The following PLCL2 variants were observed in gnomAD, a reference collection of about 807,000 sequenced individuals.
The protein encoded by PLCL2 is inactive phospholipase C-like protein 2.
PLCL2 carries 4 observed loss-of-function variants against 79.6 expected under a neutral mutation model. The ratio of observed to expected loss-of-function variants is 0.05; its 90% CI spans 0.02 to 0.11. The LOEUF is 0.11. Among genes scored for constraint, PLCL2 ranks in the 10% least tolerant of loss-of-function variants. PLCL2 has a pLI of 1.00. For missense variants in PLCL2, 895 were observed against 1,291.0 expected, an observed-to-expected ratio of 0.69 and a Z score of 4.70; for synonymous variants, 484 against 457.7, an observed-to-expected ratio of 1.06 and a Z score of -0.73.
chr3:17,037,212 G>T (rs987943048), intron 3 of PLCL2, among the ~76,000 whole-genome samples: 3 of 152,146 alleles, frequency 2.0e-5, no homozygotes, highest in Non-Finnish European at 4.4e-5. Flanking sequence ...TCCTCCCAAG[G>T]TCATCCTGAG....
chr3:17,057,530 A>G (rs559030986), intron 4 of PLCL2, among the ~76,000 whole-genome samples: 2 of 152,354 alleles, frequency 1.3e-5, no homozygotes, highest in African/African-American at 4.8e-5. Context: ...CACATATGAG[A>G]TCACAGTAGG....
intron 3 of PLCL2, among the ~76,000 whole-genome samples, chr3:17,035,203 C>T (rs2064633315): frequency 6.6e-6 from 1 of 152,112 alleles, no homozygotes; most frequent in Non-Finnish European, 1.5e-5. Flanking sequence ...CCTATTGTAA[C>T]CACCAGTTCA....
At chr3:17,078,359 A>G (rs2065128279) in intron 5 of PLCL2, among the ~76,000 whole-genome samples, 1 of 152,176 alleles carries the variant, frequency 6.6e-6, no homozygotes, top group Non-Finnish European at 1.5e-5. Flanking sequence ...GGGATCACTT[A>G]AGAGATTTGT....
intron 4 of PLCL2, among the ~76,000 whole-genome samples, chr3:17,048,476 C>A (rs901207098): frequency 6.6e-6 from 1 of 152,080 alleles, no homozygotes; most frequent in African/African-American, 2.4e-5. Flanking sequence ...TCATTTACTG[C>A]CATAAAATAT....
chr3:16,915,798 C>T (rs1384146679), intron 1 of PLCL2, among the ~76,000 whole-genome samples: 1 of 152,118 alleles, frequency 6.6e-6, no homozygotes, highest in African/African-American at 2.4e-5. Flanking sequence ...AATGCTTCTG[C>T]TTTGCCTTCC....
chr3:16,931,219 C>A (rs1697385426), intron 1 of PLCL2, among the ~76,000 whole-genome samples: 4 of 151,834 alleles, frequency 2.6e-5, no homozygotes, highest in Admixed American at 1.3e-4. Flanking sequence ...GAAGGTCTGG[C>A]TCTTCTGCTA....
At chr3:16,890,924 T>G (rs928223631) in intron 1 of PLCL2, among the ~76,000 whole-genome samples, 1 of 152,236 alleles carries the variant, frequency 6.6e-6, no homozygotes. Context: ...GCAACAATTA[T>G]GTGAATGGTC....
At chr3:16,916,057 A>C (rs923849275) in intron 1 of PLCL2, among the ~76,000 whole-genome samples, 1 of 152,196 alleles carries the variant, frequency 6.6e-6, no homozygotes, top group African/African-American at 2.4e-5. Context: ...ATAATCTTAA[A>C]AAGCATTCTG....
intron 1 of PLCL2, among the ~76,000 whole-genome samples, chr3:16,970,056 A>ATTTT (rs386355771): frequency 0.1 from 14,984 of 144,642 alleles, 1,190 homozygotes; most frequent in East Asian, 0.42. Flanking sequence ...ATATATATAT[A>ATTTT]TATTTTATTT....
chr3:16,920,172 C>T (rs137909712), intron 1 of PLCL2, among the ~76,000 whole-genome samples: 2 of 152,262 alleles, frequency 1.3e-5, no homozygotes, highest in Non-Finnish European at 2.9e-5. Flanking sequence ...GCATCTTCCA[C>T]ACTGTTGCAT....
At chr3:16,885,921 T>C (rs1696210466) in intron 1 of PLCL2, among the ~76,000 whole-genome samples, 1 of 152,216 alleles carries the variant, frequency 6.6e-6, no homozygotes, top group East Asian at 1.9e-4. Flanking sequence ...AGTAGATTTC[T>C]GAACATAAAT....
chr3:16,948,854 C>T (rs948644221), intron 1 of PLCL2, among the ~76,000 whole-genome samples: 2 of 152,040 alleles, frequency 1.3e-5, no homozygotes, highest in African/African-American at 4.8e-5. Context: ...TTGAAAAAAT[C>T]CAGTATGTTT....
intron 4 of PLCL2, among the ~76,000 whole-genome samples, chr3:17,047,976 C>T (rs544452825): frequency 1.3e-5 from 2 of 152,060 alleles, no homozygotes; most frequent in East Asian, 3.9e-4. Flanking sequence ...TGTGACCAAG[C>T]GATTTATCTT....
chr3:17,032,496 T>A (rs2064594376), intron 3 of PLCL2, among the ~76,000 whole-genome samples: 1 of 152,160 alleles, frequency 6.6e-6, no homozygotes, highest in South Asian at 2.1e-4. Flanking sequence ...TTTAATCCTG[T>A]AGATGTGCTT....
intron 5 of PLCL2, among the ~76,000 whole-genome samples, chr3:17,086,774 G>C (rs545212880): frequency 6.6e-6 from 1 of 151,256 alleles, no homozygotes; most frequent in South Asian, 2.1e-4. Context: ...AAAAGTCTGA[G>C]CAGTCAAAGA....
chr3:17,084,696 G>C (rs1218473552), intron 5 of PLCL2, among the ~76,000 whole-genome samples: 2 of 152,218 alleles, frequency 1.3e-5, no homozygotes, highest in East Asian at 1.9e-4. Context: ...TGTATCAGTA[G>C]ATGCAAAAAA....
At chr3:17,086,710 GCAAAGAACTCTTA>G (rs2065223661) in intron 5 of PLCL2, among the ~76,000 whole-genome samples, 1 of 152,090 alleles carries the variant, frequency 6.6e-6, no homozygotes, top group Non-Finnish European at 1.5e-5. Context: ...TCCAAAATAT[GCAAAGAACTCTTA>G]AAACTCAACA....
chr3:16,895,306 C>A (rs1696453555), intron 1 of PLCL2, among the ~76,000 whole-genome samples: 1 of 151,980 alleles, frequency 6.6e-6, no homozygotes, highest in South Asian at 2.1e-4. Flanking sequence ...TTTACTTAGC[C>A]TAATTCTATG....
rs1479821774 is a variant in PLCL2, at chr3:16,956,182, TATTA to T, written c.328-53491_328-53488del. Among the ~76,000 whole-genome samples, 2 of 152,170 alleles carry T rather than the reference TATTA, an allele frequency of 1.3e-5. 1 individual carries two copies. The highest frequency in any genetic ancestry group is 3.9e-4 in the East Asian group (2 of 5,194). ...CTGTGGGTTTGTCATAAATAGCTCTTATTATTTTGAGATACGTCCCATCAATACC... is the reference window on the plus strand; with the variant it reads ...CTGTGGGTTTGTCATAAATAGCTCTTTTTTGAGATACGTCCCATCAATACC... On this transcript the variant is annotated intron_variant, in intron 1 of 5. Coordinates refer to ENST00000615277, the MANE Select transcript of PLCL2 (RefSeq NM_001144382.2).
Sources: gnomAD v4.1 joint callset for allele counts (sites outside exome capture counted in the v4.1 genomes callset) on GRCh38, gnomAD v4.1.1 for gene constraint, MANE v1.5 for transcripts, NCBI Gene and HGNC (gene_info 2026-07-23, HGNC 2026-07-21) for gene names.